The following DMD variants were observed in gnomAD, a reference collection of about 807,000 sequenced individuals.
The protein encoded by DMD is mutant dystrophin.
A neutral mutation model predicts 330.1 loss-of-function variants in DMD; 63 were observed. The observed-to-expected ratio is 0.19, with a 90% confidence interval of 0.16 to 0.24. DMD has a LOEUF of 0.24. DMD is among the 10% of genes least tolerant of loss of function. DMD has a pLI of 1.00. For missense variants in DMD, 3,344 were observed against 2,684.1 expected (o/e 1.25, Z -5.43); for synonymous variants, 1,223 against 959.8 (o/e 1.27, Z -5.07).
intron 6 of DMD, among the ~76,000 whole-genome samples, chrX:32,815,791 A>T (rs1218779076): frequency 9.1e-6 from 1 of 110,459 alleles, no homozygotes; most frequent in African/African-American, 3.3e-5. Context: ...TCTTTTTATT[A>T]AAATCCACAA....
At chrX:31,974,253 G>A (rs1275497513) in intron 44 of DMD, among the ~76,000 whole-genome samples, 2 of 110,161 alleles carry the variant, frequency 1.8e-5, no homozygotes, top group African/African-American at 3.3e-5. Flanking sequence ...CAGATACCGC[G>A]GACTAGTAGA....
At chrX:33,262,142 G>GA (rs1053571388) in intron 1 of DMD, among the ~76,000 whole-genome samples, 2 of 111,112 alleles carry the variant, frequency 1.8e-5, no homozygotes, top group African/African-American at 6.5e-5. Flanking sequence ...ATATTGAGAA[G>GA]AAAAAAGCTA....
chrX:31,380,400 A>G (rs2060114409), intron 60 of DMD, among the ~76,000 whole-genome samples: 1 of 109,067 alleles, frequency 9.2e-6, no homozygotes, highest in Non-Finnish European at 1.9e-5. Flanking sequence ...CCACAAGCAT[A>G]AGACACCTCT....
At chrX:31,636,273 G>A (rs1023820530) in intron 54 of DMD, among the ~76,000 whole-genome samples, 3 of 110,711 alleles carry the variant, frequency 2.7e-5, no homozygotes, top group African/African-American at 6.6e-5. Context: ...CAAAATAATC[G>A]GTACAACAAA....
rs772315280 is a variant in DMD at position 33,322,268 on chromosome X, A to G, written c.7+16991T>C. On this transcript the variant is annotated intron_variant, in intron 1 of 17. Transcript: ENST00000288447. The stretch of plus-strand genomic sequence containing the variant: ...TCTAGCTTTTCATTTAAGATGAGAC[A>G]TGTGAGACTCTTCCTTTCACTTGAA... Among the ~76,000 whole-genome samples the G allele has an allele frequency of 2.0e-4, 22 of 110,223 alleles. No individual in the cohort carries two copies. The East Asian group carries it at 6.3e-3, about 32-fold the overall frequency.
chrX:31,231,487 C>G (rs1028443666), intron 63 of DMD, among the ~76,000 whole-genome samples: 5 of 111,926 alleles, frequency 4.5e-5, no homozygotes, highest in African/African-American at 1.6e-4. Context: ...TACTATAAGC[C>G]AAGAACCATG....
At chrX:32,571,386 C>CCA (rs750699470) in intron 15 of DMD, among the ~76,000 whole-genome samples, 3 of 111,663 alleles carry the variant, frequency 2.7e-5, no homozygotes, top group South Asian at 7.5e-4. Flanking sequence ...ACAGTGTGTA[C>CCA]CACTTCCTAC....
chrX:32,165,720 C>T (rs898676601), intron 44 of DMD, among the ~76,000 whole-genome samples: 12 of 111,384 alleles, frequency 1.1e-4, no homozygotes, highest in African/African-American at 3.6e-4. Context: ...TATGTTTGGG[C>T]TTTGTGTCCC....
At chrX:31,946,930 A>C (rs1208009269) in intron 45 of DMD, among the ~76,000 whole-genome samples, 1 of 111,415 alleles carries the variant, frequency 9.0e-6, no homozygotes, top group Non-Finnish European at 1.9e-5. Flanking sequence ...TATGACTTAA[A>C]AGGCAAAGCA....
intron 30 of DMD, among the ~76,000 whole-genome samples, chrX:32,411,422 C>A: frequency 9.0e-6 from 1 of 111,394 alleles, no homozygotes; most frequent in Non-Finnish European, 1.9e-5. Flanking sequence ...AGCCACCACA[C>A]CCGGCCAAAA....
At chrX:31,970,841 A>G (rs1028486415) in intron 44 of DMD, among the ~76,000 whole-genome samples, 4 of 111,793 alleles carry the variant, frequency 3.6e-5, no homozygotes, top group Non-Finnish European at 7.5e-5. Context: ...TCGTGCAAGC[A>G]TCAGTGACTA....
chrX:32,623,298 A>G (rs979064695), intron 11 of DMD, among the ~76,000 whole-genome samples: 3 of 111,547 alleles, frequency 2.7e-5, no homozygotes, highest in Admixed American at 9.5e-5. Context: ...GAACCAGAGG[A>G]AGAAGCAAAA....
At chrX:32,616,083 C>A (rs973243735) in intron 11 of DMD, among the ~76,000 whole-genome samples, 1 of 110,459 alleles carries the variant, frequency 9.1e-6, no homozygotes, top group Non-Finnish European at 1.9e-5. Context: ...TTTTTTTCCT[C>A]ATAATTAAAC....
At chrX:32,789,694 AAAG>A (rs1479853767) in intron 7 of DMD, among the ~76,000 whole-genome samples, 1 of 111,654 alleles carries the variant, frequency 9.0e-6, no homozygotes, top group African/African-American at 3.3e-5. Context: ...TCCATTTATA[AAAG>A]AAGGATAAAC....
chrX:31,764,225 C>T (rs1007477692), intron 51 of DMD, among the ~76,000 whole-genome samples: 3 of 111,459 alleles, frequency 2.7e-5, no homozygotes, highest in Non-Finnish European at 5.6e-5. Flanking sequence ...TTATATATAG[C>T]TTCTTGCCTG....
At chrX:32,047,919 T>C (rs1274022540) in intron 44 of DMD, among the ~76,000 whole-genome samples, 1 of 108,682 alleles carries the variant, frequency 9.2e-6, no homozygotes, top group Non-Finnish European at 1.9e-5. Flanking sequence ...GAAATTTAAT[T>C]GTTGGTATCT....
chrX:32,683,512 A>T (rs905053334), intron 9 of DMD, among the ~76,000 whole-genome samples: 7 of 108,312 alleles, frequency 6.5e-5, no homozygotes, highest in African/African-American at 2.4e-4. Context: ...ATGAAGCTGG[A>T]AACCATCATT....
At chrX:31,298,413 A>G (rs1482123250) in intron 62 of DMD, among the ~76,000 whole-genome samples, 1 of 105,686 alleles carries the variant, frequency 9.5e-6, no homozygotes, top group Non-Finnish European at 1.9e-5. Flanking sequence ...ACACACATAC[A>G]CACACACACA....
At chrX:31,510,974 A>G (rs1459023345) in intron 55 of DMD, among the ~76,000 whole-genome samples, 1 of 111,836 alleles carries the variant, frequency 8.9e-6, no homozygotes, top group Admixed American at 9.6e-5. Context: ...CATGTGGACT[A>G]CTATGAACCA....
Sources: gnomAD v4.1 joint callset for allele counts (sites outside exome capture counted in the v4.1 genomes callset) on GRCh38, gnomAD v4.1.1 for gene constraint, MANE v1.5 for transcripts, NCBI Gene and HGNC (gene_info 2026-07-23, HGNC 2026-07-21) for gene names.